Variants in RBFOX1 observed in about 807,000 individuals in gnomAD.
RBFOX1 encodes the protein RNA binding protein fox-1 homolog 1.
A neutral mutation model predicts 57.7 loss-of-function variants in RBFOX1; 8 were observed. The ratio of observed to expected loss-of-function variants is 0.14; its 90% CI spans 0.08 to 0.25. RBFOX1 has a LOEUF of 0.25. RBFOX1 is among the 10% of genes least tolerant of loss of function. RBFOX1 has a pLI of 1.00. For missense variants in RBFOX1, 611 were observed against 548.5 expected, an observed-to-expected ratio of 1.11 and a Z score of -1.14; for synonymous variants, 326 against 222.4, an observed-to-expected ratio of 1.47 and a Z score of -4.15.
intron 1 of RBFOX1, among the ~76,000 whole-genome samples, chr16:5,397,597 C>G (rs1215657284): frequency 2.6e-5 from 4 of 152,110 alleles, no homozygotes; most frequent in Non-Finnish European, 4.4e-5. Context: ...TATAGGAGCA[C>G]AAAAGACTCA....
rs181249372 is a variant in RBFOX1, at chr16:7,444,519, G to T, written c.28-73628G>T. On this transcript the variant is annotated intron_variant, in intron 4 of 15. Transcript: ENST00000550418. ...TGTTCTGCAAAAATTCCTCTGACTGGGTTCTGATTGGCTTGGGTAGCCTTT... is the reference window on the plus strand; with the variant it reads ...TGTTCTGCAAAAATTCCTCTGACTGTGTTCTGATTGGCTTGGGTAGCCTTT... Among the ~76,000 whole-genome samples the T allele has an allele frequency of 5.9e-5, 9 of 152,182 alleles. No homozygotes were observed. In the East Asian group the frequency reaches 1.7e-3, roughly 29 times the overall value.
intron 2 of RBFOX1, among the ~76,000 whole-genome samples, chr16:6,393,166 G>T (rs1380307604): frequency 6.6e-6 from 1 of 152,130 alleles, no homozygotes; most frequent in East Asian, 1.9e-4. Flanking sequence ...TAATGGAGCT[G>T]GTGTGAATTT....
At chr16:5,306,040 A>G (rs1211930834) in intron 1 of RBFOX1, among the ~76,000 whole-genome samples, 3 of 151,916 alleles carry the variant, frequency 2.0e-5, no homozygotes, top group Non-Finnish European at 4.4e-5. Flanking sequence ...AAAATTAGAC[A>G]CATACACAAA....
chr16:7,181,938 G>A (rs986208946), intron 4 of RBFOX1, among the ~76,000 whole-genome samples: 6 of 152,132 alleles, frequency 3.9e-5, no homozygotes, highest in East Asian at 1.9e-4. Flanking sequence ...CTCAGCCGTC[G>A]AAATACAGGA....
At chr16:7,208,081 G>A (rs1449872135) in intron 4 of RBFOX1, among the ~76,000 whole-genome samples, 1 of 152,218 alleles carries the variant, frequency 6.6e-6, no homozygotes, top group East Asian at 1.9e-4. Context: ...CAACAGGGAA[G>A]CAAGAGCAAC....
intron 4 of RBFOX1, among the ~76,000 whole-genome samples, chr16:7,461,972 A>C (rs1464470308): frequency 6.6e-6 from 1 of 152,184 alleles, no homozygotes; most frequent in African/African-American, 2.4e-5. Context: ...AGGTGAACGG[A>C]TGTCAAGGAG....
At chr16:6,003,500 G>A (rs1430381905) in intron 4 of RBFOX1, among the ~76,000 whole-genome samples, 2 of 140,662 alleles carry the variant, frequency 1.4e-5, no homozygotes, top group East Asian at 2.5e-4. Flanking sequence ...CATTGTTTGA[G>A]ACCTAGGCAC....
chr16:5,738,116 C>G (rs1256864533), intron 3 of RBFOX1, among the ~76,000 whole-genome samples: 1 of 147,290 alleles, frequency 6.8e-6, no homozygotes, highest in Admixed American at 7.1e-5. Context: ...GTTTGGTTTT[C>G]TGTTCCTGTG....
chr16:7,402,993 A>T (rs2148847701), intron 4 of RBFOX1, among the ~76,000 whole-genome samples: 1 of 152,266 alleles, frequency 6.6e-6, no homozygotes, highest in Non-Finnish European at 1.5e-5. Context: ...TTGAAGGAGG[A>T]GGTGAACCTG....
chr16:6,878,069 CAGAT>C (rs2062171814), intron 3 of RBFOX1, among the ~76,000 whole-genome samples: 1 of 151,938 alleles, frequency 6.6e-6, no homozygotes, highest in African/African-American at 2.4e-5. Flanking sequence ...AAGGGTAGGA[CAGAT>C]AGAAGAGAGA....
chr16:6,735,455 C>A (rs2069942124), intron 3 of RBFOX1, among the ~76,000 whole-genome samples: 1 of 152,160 alleles, frequency 6.6e-6, no homozygotes, highest in African/African-American at 2.4e-5. Flanking sequence ...CTCTGCAGTG[C>A]CTGTCGGAGA....
chr16:7,649,108 A>G (rs895215713), intron 11 of RBFOX1, among the ~76,000 whole-genome samples: 3 of 152,146 alleles, frequency 2.0e-5, no homozygotes, highest in Non-Finnish European at 4.4e-5. Flanking sequence ...GAAGCTTATA[A>G]AGAAAGTAAA....
chr16:7,626,710 A>AACG (rs1001052892), intron 10 of RBFOX1, among the ~76,000 whole-genome samples: 3 of 129,586 alleles, frequency 2.3e-5, no homozygotes, highest in African/African-American at 1.1e-4. Context: ...GTAGTGTGTA[A>AACG]ATCTATTTGA....
At chr16:7,176,594 A>G (rs531986436) in intron 4 of RBFOX1, among the ~76,000 whole-genome samples, 33 of 152,320 alleles carry the variant, frequency 2.2e-4, no homozygotes, top group African/African-American at 6.5e-4. Context: ...TTGTGCTACA[A>G]CGACACAGAT....
chr16:6,069,788 A>T (rs1287336120), intron 1 of RBFOX1, among the ~76,000 whole-genome samples: 1 of 152,024 alleles, frequency 6.6e-6, no homozygotes, highest in Non-Finnish European at 1.5e-5. Context: ...GGAGTTTGAG[A>T]CCAGCCTGGC....
intron 4 of RBFOX1, among the ~76,000 whole-genome samples, chr16:5,995,372 T>G (rs9928349): frequency 6.6e-6 from 1 of 152,024 alleles, no homozygotes; most frequent in Non-Finnish European, 1.5e-5. Flanking sequence ...GGCAAGCTCA[T>G]TAAGATAGAT....
intron 4 of RBFOX1, among the ~76,000 whole-genome samples, chr16:7,286,549 A>C (rs533232150): frequency 3.3e-5 from 5 of 150,496 alleles, no homozygotes; most frequent in African/African-American, 1.2e-4. Flanking sequence ...GCCAGGTTCA[A>C]GCAACTTTCC....
intron 2 of RBFOX1, among the ~76,000 whole-genome samples, chr16:5,543,452 A>G (rs2045051466): frequency 1.3e-5 from 2 of 152,208 alleles, no homozygotes; most frequent in African/African-American, 4.8e-5. Flanking sequence ...AGATGAGTGA[A>G]CATGATGACA....
At chr16:5,730,798 C>T (rs923583760) in intron 3 of RBFOX1, among the ~76,000 whole-genome samples, 18 of 152,096 alleles carry the variant, frequency 1.2e-4, no homozygotes, top group Non-Finnish European at 2.4e-4. Context: ...AACACCATTA[C>T]CACCAACATC....
Sources: allele counts gnomAD v4.1 joint callset (sites outside exome capture counted in the v4.1 genomes callset), GRCh38; gene constraint gnomAD v4.1.1; transcripts MANE v1.5; gene names NCBI Gene and HGNC (gene_info 2026-07-23, HGNC 2026-07-21).